The following MMP26 variants were observed in gnomAD, a reference collection of about 807,000 sequenced individuals.
MMP26 encodes the protein matrix metallopeptidase 26.
A neutral mutation model predicts 31.0 loss-of-function variants in MMP26; 33 were observed. The observed-to-expected ratio is 1.06, with a 90% CI of 0.81 to 1.42. The LOEUF is 1.42. MMP26 is among the 40% of genes most tolerant of loss of function. The pLI, the probability that MMP26 is intolerant of heterozygous loss-of-function variation, is 0.00. For synonymous variants in MMP26, 122 were observed against 114.9 expected, an observed-to-expected ratio of 1.06 and a Z score of -0.40; for missense variants, 347 against 316.1, an observed-to-expected ratio of 1.10 and a Z score of -0.74.
At chr11:4,833,463 C>T (rs1053484578) in intron 2 of MMP26, among the ~76,000 whole-genome samples, 1 of 152,166 alleles carries the variant, frequency 6.6e-6, no homozygotes, top group Admixed American at 6.5e-5. Flanking sequence ...TTTACCTCCT[C>T]TTATTTTATT....
intron 2 of MMP26, among the ~76,000 whole-genome samples, chr11:4,966,991 C>T (rs1846604362): frequency 6.6e-6 from 1 of 152,122 alleles, no homozygotes; most frequent in African/African-American, 2.4e-5. Flanking sequence ...TGCAAGGCCT[C>T]TAGTGATAGT....
intron 2 of MMP26, among the ~76,000 whole-genome samples, chr11:4,916,415 C>T (rs1318823336): frequency 2.0e-5 from 3 of 152,008 alleles, no homozygotes; most frequent in African/African-American, 7.2e-5. Flanking sequence ...AAAAAAAGTC[C>T]TCACATGCCT....
intron 1 of MMP26, among the ~76,000 whole-genome samples, chr11:4,726,365 G>A (rs1848099738): frequency 6.6e-6 from 1 of 151,990 alleles, no homozygotes; most frequent in African/African-American, 2.4e-5. Context: ...CGAAGGCTGA[G>A]GCACGAGAAT....
At chr11:4,785,979 T>C (rs369272371) in intron 2 of MMP26, among the ~76,000 whole-genome samples, 34 of 152,214 alleles carry the variant, frequency 2.2e-4, no homozygotes, top group East Asian at 9.6e-4. Context: ...GTTGCCCACT[T>C]GGCAAAACAT....
intron 2 of MMP26, among the ~76,000 whole-genome samples, chr11:4,863,290 T>A (rs1255040888): frequency 1.3e-5 from 2 of 151,716 alleles, no homozygotes; most frequent in East Asian, 3.9e-4. Context: ...CTTCTTTAAT[T>A]TTCAGACCCT....
intron 2 of MMP26, among the ~76,000 whole-genome samples, chr11:4,971,971 C>A (rs1846672098): frequency 6.6e-6 from 1 of 152,090 alleles, no homozygotes; most frequent in South Asian, 2.1e-4. Flanking sequence ...AGGGATTCAC[C>A]CACATGACAC....
chr11:4,980,419 C>T (rs957832757), intron 2 of MMP26, among the ~76,000 whole-genome samples: 1 of 151,998 alleles, frequency 6.6e-6, no homozygotes, highest in African/African-American at 2.4e-5. Flanking sequence ...GGTAACATTA[C>T]ATGAAGGTCT....
At chr11:4,912,052 T>G (rs568046362) in intron 2 of MMP26, among the ~76,000 whole-genome samples, 7 of 152,320 alleles carry the variant, frequency 4.6e-5, no homozygotes, top group Non-Finnish European at 8.8e-5. Flanking sequence ...CCTCATTTAT[T>G]TAACACACAT....
intron 2 of MMP26, among the ~76,000 whole-genome samples, chr11:4,813,276 C>T (rs945393653): frequency 1.3e-5 from 2 of 151,928 alleles, no homozygotes; most frequent in African/African-American, 2.4e-5. Flanking sequence ...TAAAGATGGC[C>T]TTGTATTTAT....
chr11:4,945,912 G>C (rs1475103889), intron 2 of MMP26: 1 of 494,838 alleles, frequency 2.0e-6, no homozygotes, highest in South Asian at 2.4e-5. Flanking sequence ...GTTGTAATTT[G>C]TTGCTTGTAT....
chr11:4,966,315 G>T (rs939065324), intron 2 of MMP26, among the ~76,000 whole-genome samples: 3 of 152,100 alleles, frequency 2.0e-5, no homozygotes, highest in Admixed American at 1.3e-4. Context: ...AAACATCAGG[G>T]GTATGGGTGC....
intron 1 of MMP26, among the ~76,000 whole-genome samples, chr11:4,753,531 C>T (rs1265447051): frequency 6.6e-6 from 1 of 152,038 alleles, no homozygotes; most frequent in African/African-American, 2.4e-5. Context: ...GAGTTGCTTG[C>T]TCATAATAGA....
intron 2 of MMP26, among the ~76,000 whole-genome samples, chr11:4,772,078 T>C (rs1037870880): frequency 2.0e-5 from 3 of 152,140 alleles, no homozygotes; most frequent in Non-Finnish European, 4.4e-5. Context: ...AGCTGTGAGA[T>C]TATTTGTATG....
chr11:4,843,347 T>C (rs531555879), intron 2 of MMP26, among the ~76,000 whole-genome samples: 39 of 152,348 alleles, frequency 2.6e-4, no homozygotes, highest in African/African-American at 9.1e-4. Flanking sequence ...AGCAGACTTC[T>C]GCCTGGACAT....
intron 2 of MMP26, chr11:4,907,257 A>G (rs1303601845): frequency 1.6e-6 from 1 of 644,512 alleles, no homozygotes; most frequent in Non-Finnish European, 2.7e-6. Flanking sequence ...GCCTTTGAGT[A>G]TAGTATACGA....
chr11:4,762,139 T>G (rs1325775211), intron 1 of MMP26, among the ~76,000 whole-genome samples: 1 of 152,220 alleles, frequency 6.6e-6, no homozygotes, highest in Non-Finnish European at 1.5e-5. Flanking sequence ...TAAGTACTGA[T>G]GAATACCATG....
At chr11:4,924,585 A>T (rs1851242365) in intron 2 of MMP26, among the ~76,000 whole-genome samples, 1 of 152,216 alleles carries the variant, frequency 6.6e-6, no homozygotes, top group South Asian at 2.1e-4. Flanking sequence ...ACAAAGGAAC[A>T]TCTTGGAAGA....
chr11:4,991,370 G>A lies in MMP26; in HGVS notation c.470-1G>A, dbSNP rs1380282164. Reference sequence around the variant, plus strand: ...GTGATCATAGCTTCTGTCGTCCACAGCCCATGAAGATGGTTGGCCCTTTGA... The same window carrying A: ...GTGATCATAGCTTCTGTCGTCCACAACCCATGAAGATGGTTGGCCCTTTGA... On this transcript the variant is annotated splice_acceptor_variant, in intron 5 of 7. Transcript: ENST00000380390. LOFTEE classifies it high-confidence loss of function. The A allele has an allele frequency of 4.3e-6, 7 of 1,612,508 alleles. No homozygotes were observed. Among genetic ancestry groups the A allele is most frequent in the Non-Finnish European group, 5.1e-6 (6 of 1,178,930 alleles).
chr11:4,832,364 T>A (rs1849658499), intron 2 of MMP26: 1 of 155,052 alleles, frequency 6.4e-6, no homozygotes, highest in East Asian at 1.9e-4. Context: ...CCTGTCTTTC[T>A]CCTCCCTACC....
Sources: allele counts gnomAD v4.1 joint callset (sites outside exome capture counted in the v4.1 genomes callset), GRCh38; gene constraint gnomAD v4.1.1; transcripts MANE v1.5; gene names NCBI Gene and HGNC (gene_info 2026-07-23, HGNC 2026-07-21).